Variants in PGM5 observed in about 807,000 individuals in gnomAD.
PGM5 encodes phosphoglucomutase 5, also known as phosphoglucomutase-like protein 5.
Under a neutral mutation model 59.2 loss-of-function variants are expected in PGM5, and 23 were observed. That is an observed-to-expected ratio of 0.39 (90% CI 0.28 to 0.55). PGM5 has a LOEUF of 0.55. PGM5 is among the 20% of genes least tolerant of loss of function. The probability of loss-of-function intolerance (pLI) is 0.66; values close to 1 mark genes in which losing one functional copy is unlikely to be tolerated. For missense variants in PGM5, 574 were observed against 748.3 expected, an observed-to-expected ratio of 0.77 and a Z score of 2.72; for synonymous variants, 214 against 286.0, an observed-to-expected ratio of 0.75 and a Z score of 2.54.
At chr9:68,387,024 CT>C (rs1262923657) in intron 3 of PGM5, among the ~76,000 whole-genome samples, 1 of 151,828 alleles carries the variant, frequency 6.6e-6, no homozygotes, top group African/African-American at 2.4e-5. Flanking sequence ...ACTGAGGTCA[CT>C]TGCTGATTTG....
At chr9:68,527,465 A>T (rs1825001771) in intron 10 of PGM5, among the ~76,000 whole-genome samples, 1 of 152,186 alleles carries the variant, frequency 6.6e-6, no homozygotes, top group Non-Finnish European at 1.5e-5. Context: ...GAGGGAAGAG[A>T]AGACAGGAAG....
intron 6 of PGM5, among the ~76,000 whole-genome samples, chr9:68,449,196 G>A (rs1457263581): frequency 6.6e-6 from 1 of 152,160 alleles, no homozygotes; most frequent in Admixed American, 6.5e-5. Flanking sequence ...ACCTCCCAAA[G>A]CCTACCTCCT....
At chr9:68,417,156 C>A (rs1399051641) in intron 6 of PGM5, among the ~76,000 whole-genome samples, 9 of 152,172 alleles carry the variant, frequency 5.9e-5, no homozygotes, top group African/African-American at 2.2e-4. Context: ...TCTTTAGGAC[C>A]ATCTGCAGCA....
rs1324336240 is a variant in PGM5 at position 68,376,890 on chromosome 9, CTT to C, written c.262-1307_262-1306del. ...TTTCTTTCTCTTTCTTTCTTTTTTT[CTT>C]TCTTTCTCTCTCTTTCTTTCTTTCT... On this transcript the variant is annotated intron_variant, in intron 1 of 10. Transcript: ENST00000396396. Among the ~76,000 whole-genome samples, 90 of 93,464 alleles carry C rather than the reference CTT, an allele frequency of 9.6e-4. 3 individuals carry two copies. The highest frequency in any genetic ancestry group is 3.4e-3 in the African/African-American group (84 of 24,800). The allele number at this position is 93,464 out of a possible 152,430, so 61.3% of individuals were successfully genotyped here. A position where few individuals can be genotyped will look rare whatever the true frequency, so the allele number is the denominator to read the frequency against.
At chr9:68,454,472 G>A (rs1420683943) in intron 6 of PGM5, among the ~76,000 whole-genome samples, 4 of 152,154 alleles carry the variant, frequency 2.6e-5, no homozygotes, top group African/African-American at 2.4e-5. Context: ...GCTTGAAGGG[G>A]GCTCCATCTC....
rs1030620255 is a variant in PGM5, at chr9:68,437,361, G to T, written c.1044-27732G>T. On this transcript the variant is annotated intron_variant, in intron 6 of 10. Transcript: ENST00000396396. This position sits in a 1 kb window ranked among gnomAD's most constrained non-coding sequence, Gnocchi z 4.1. ...GAAGCTTGGCAACTTTCGTGAAATG[G>T]TGTGCCTTAAAGAGGAAGGAATTTA... is the stretch of plus-strand genomic sequence containing the variant. Among the ~76,000 whole-genome samples the T allele has an allele frequency of 3.3e-5, 5 of 152,204 alleles. No individual in the cohort carries two copies. The highest frequency in any genetic ancestry group is 7.3e-5 in the Non-Finnish European group (5 of 68,038).
At chr9:68,397,770 A>G (rs1587792008) in intron 6 of PGM5, 3 of 152,272 alleles carry the variant, frequency 2.0e-5, no homozygotes, top group African/African-American at 7.2e-5. Context: ...TAGATAGGAG[A>G]TCCAGGGAAG....
chr9:68,439,178 C>G (rs1823487325), intron 6 of PGM5, among the ~76,000 whole-genome samples: 2 of 151,786 alleles, frequency 1.3e-5, no homozygotes. Flanking sequence ...GCCTAGGCAA[C>G]AAAGTGAGAC....
chr9:68,374,733 T>C (rs1407383703), intron 1 of PGM5, among the ~76,000 whole-genome samples: 3 of 152,226 alleles, frequency 2.0e-5, no homozygotes, highest in African/African-American at 7.2e-5. Context: ...CATTTATTTT[T>C]TCCCATTAAT....
chr9:68,510,794 C>T (rs1293802767), intron 10 of PGM5, among the ~76,000 whole-genome samples: 1 of 152,166 alleles, frequency 6.6e-6, no homozygotes, highest in Non-Finnish European at 1.5e-5. Flanking sequence ...GGCAAAGACA[C>T]AAGCAACACA....
chr9:68,402,914 T>C lies in PGM5; in HGVS notation c.1043+10441T>C, dbSNP rs1292863890. On this transcript the variant is annotated intron_variant, in intron 6 of 10. Transcript: ENST00000396396. ...CTTTCTAGGGTAGTGTTGAGCTGGG[T>C]CTATTGAAATACTGCTTAAATGCTT... Among the ~76,000 whole-genome samples, 8 of 152,172 alleles carry C rather than the reference T, an allele frequency of 5.3e-5. 1 individual carries two copies. In the South Asian group the frequency reaches 6.2e-4, roughly 12 times the overall value.
intron 7 of PGM5, among the ~76,000 whole-genome samples, chr9:68,471,317 C>A (rs1824015314): frequency 6.6e-6 from 1 of 152,120 alleles, no homozygotes; most frequent in South Asian, 2.1e-4. Context: ...GGAGAACTGT[C>A]CCTTGGGATT....
intron 7 of PGM5, among the ~76,000 whole-genome samples, chr9:68,477,963 G>T (rs1298733796): frequency 6.6e-6 from 1 of 152,212 alleles, no homozygotes; most frequent in African/African-American, 2.4e-5. Context: ...ATGGGTGATG[G>T]GGTCCCCATT....
In PGM5 at chr9:68,357,304, C is replaced by T; in HGVS notation, c.177C>T (p.Gly59=). 6.5e-6 allele frequency: 10 copies of T among 1,548,998 alleles called. No individual in the cohort carries two copies. The highest frequency in any genetic ancestry group is 8.7e-6 in the Non-Finnish European group (10 of 1,148,478). ...CCATCGACCTGCGCGACCGTCAGGG[C>T]TGCACCATGGTGGTGGGCAGCGACG... ...LSSIDLRDRQ[G]CTMVVGSDGR... Residue 59 remains glycine, a synonymous_variant, in exon 1 of 11, where the codon GGC becomes GGT. Transcript: ENST00000396396.
At chr9:68,488,498 G>T (rs1824334400) in intron 9 of PGM5, among the ~76,000 whole-genome samples, 1 of 152,206 alleles carries the variant, frequency 6.6e-6, no homozygotes, top group South Asian at 2.1e-4. Context: ...AGGCTATCCT[G>T]CCTGGCTTTA....
chr9:68,528,694 G>A (rs1428458268), intron 10 of PGM5, among the ~76,000 whole-genome samples: 2 of 152,064 alleles, frequency 1.3e-5, no homozygotes, highest in Non-Finnish European at 2.9e-5. Flanking sequence ...ATTCTAGCTG[G>A]GTAACTCCTG....
At chr9:68,460,420 G>A (rs1051169048) in intron 6 of PGM5, among the ~76,000 whole-genome samples, 1 of 152,086 alleles carries the variant, frequency 6.6e-6, no homozygotes, top group Admixed American at 6.6e-5. Flanking sequence ...CATAAGGGTA[G>A]GGTGACCATC....
At chr9:68,384,892 A>G (rs1554678717) in intron 3 of PGM5, among the ~76,000 whole-genome samples, 1 of 150,750 alleles carries the variant, frequency 6.6e-6, no homozygotes. Flanking sequence ...AAGAAACCTA[A>G]CAAGTCAATG....
Position 68,514,174 on chromosome 9 carries a change from G to A in PGM5, c.1614+14813G>A, listed in dbSNP as rs548459106. ...GATTCATGTGCACATTAAAGTTTGA[G>A]AAGTCCTAATGCTGGGCGTGGTGGC... is the stretch of plus-strand genomic sequence containing the variant. On this transcript the variant is annotated intron_variant, in intron 10 of 10. Transcript: ENST00000396396. Among the ~76,000 whole-genome samples, 12 of 152,300 alleles carry A rather than the reference G, an allele frequency of 7.9e-5. No homozygotes were observed. The South Asian group carries it at 2.5e-3, about 32-fold the overall frequency.
Sources: gnomAD v4.1 joint callset for allele counts (sites outside exome capture counted in the v4.1 genomes callset) on GRCh38, gnomAD v4.1.1 for gene constraint, Gnocchi (gnomAD v3.1) non-coding constraint, MANE v1.5 for transcripts, NCBI Gene and HGNC (gene_info 2026-07-23, HGNC 2026-07-21) for gene names.